The following NTM variants were observed in gnomAD, a reference collection of about 807,000 sequenced individuals.
The protein encoded by NTM is IgLON family member 2.
Under a neutral mutation model 42.1 loss-of-function variants are expected in NTM, and 13 were observed. That is an observed-to-expected ratio of 0.31 (90% CI 0.20 to 0.49). NTM has a LOEUF of 0.49. NTM is among the 20% of genes least tolerant of loss of function. The pLI is 0.99. For synonymous variants in NTM, 187 were observed against 179.2 expected (o/e 1.04, Z -0.35); for missense variants, 373 against 452.8 (o/e 0.82, Z 1.60).
intron 2 of NTM, among the ~76,000 whole-genome samples, chr11:132,070,425 C>G (rs1489381447): frequency 7.1e-4 from 95 of 133,502 alleles, no homozygotes; most frequent in African/African-American, 2.7e-3. Context: ...CTGACCGTCA[C>G]AGGTTAGTTA....
chr11:131,652,046 A>C (rs1206210115), intron 1 of NTM, among the ~76,000 whole-genome samples: 1 of 152,100 alleles, frequency 6.6e-6, no homozygotes, highest in Non-Finnish European at 1.5e-5. Flanking sequence ...GAATGCTTAG[A>C]ATACAGACAC....
intron 4 of NTM, among the ~76,000 whole-genome samples, chr11:132,235,993 G>GACACACAC (rs367555812): frequency 4.9e-5 from 5 of 101,268 alleles, no homozygotes; most frequent in Admixed American, 9.8e-5. Context: ...CACACACACA[G>GACACACAC]ACACACACAC....
At chr11:131,915,610 C>G (rs562036516) in intron 2 of NTM, among the ~76,000 whole-genome samples, 2 of 152,058 alleles carry the variant, frequency 1.3e-5, no homozygotes, top group Non-Finnish European at 2.9e-5. Context: ...TGTATTAGTC[C>G]GTTAGGCAGT....
chr11:131,473,775 C>G (rs1268411376), intron 1 of NTM, among the ~76,000 whole-genome samples: 3 of 152,162 alleles, frequency 2.0e-5, no homozygotes, highest in Non-Finnish European at 2.9e-5. Context: ...ATCACATGGA[C>G]AGCTCCAGCC....
chr11:132,208,279 T>C (rs1159415903), intron 3 of NTM, among the ~76,000 whole-genome samples: 1 of 152,232 alleles, frequency 6.6e-6, no homozygotes, highest in East Asian at 1.9e-4. Context: ...AGTTGCCACC[T>C]AGAAAATCAT....
At chr11:131,756,703 A>T (rs2083388847) in intron 1 of NTM, among the ~76,000 whole-genome samples, 1 of 151,990 alleles carries the variant, frequency 6.6e-6, no homozygotes, top group South Asian at 2.1e-4. Flanking sequence ...CACACAAAAA[A>T]TTGCTATAAT....
intron 1 of NTM, among the ~76,000 whole-genome samples, chr11:131,695,034 C>T (rs884180): frequency 6.6e-6 from 1 of 151,966 alleles, no homozygotes; most frequent in Non-Finnish European, 1.5e-5. Flanking sequence ...CTGGGAGGAG[C>T]GCCGCCGCCG....
At chr11:131,894,181 C>T (rs550301639) in intron 1 of NTM, among the ~76,000 whole-genome samples, 17 of 152,254 alleles carry the variant, frequency 1.1e-4, no homozygotes, top group South Asian at 4.1e-4. Flanking sequence ...GGCAATTGTG[C>T]GGCTTCTCTT....
intron 2 of NTM, among the ~76,000 whole-genome samples, chr11:132,116,383 C>A (rs1186698785): frequency 6.6e-6 from 1 of 152,158 alleles, no homozygotes; most frequent in Non-Finnish European, 1.5e-5. Context: ...GTGATACTTT[C>A]TCCTACTCTT....
Position 132,270,232 on chromosome 11 carries a change from A to G in NTM, c.527-37457A>G, listed in dbSNP as rs537311782. 1.1e-4 allele frequency among the ~76,000 whole-genome samples: 17 copies of G among 151,988 alleles called. No homozygotes were observed. The South Asian group carries it at 3.5e-3, about 32-fold the overall frequency. On this transcript the variant is annotated intron_variant, in intron 4 of 8. Transcript: ENST00000683400. ...TAAGAGACCATATATTTTATTTTTT[A>G]TTATTATTTTCTTTTTTGAGACAGA...
chr11:131,673,074 T>G (rs1383379701), intron 1 of NTM, among the ~76,000 whole-genome samples: 5 of 151,876 alleles, frequency 3.3e-5, no homozygotes, highest in Admixed American at 1.3e-4. Flanking sequence ...CCTCGTTCCT[T>G]GTCTATTTTA....
chr11:131,894,167 T>C (rs1400576516), intron 1 of NTM, among the ~76,000 whole-genome samples: 1 of 152,188 alleles, frequency 6.6e-6, no homozygotes, highest in Non-Finnish European at 1.5e-5. Context: ...CTGTGAGCAC[T>C]GGGGGCAATT....
chr11:132,015,654 T>TATTTA (rs1431731386), intron 2 of NTM, among the ~76,000 whole-genome samples: 1 of 151,240 alleles, frequency 6.6e-6, no homozygotes, highest in Non-Finnish European at 1.5e-5. Flanking sequence ...TATTTTATTT[T>TATTTA]ATTTTATTTT....
intron 2 of NTM, among the ~76,000 whole-genome samples, chr11:131,974,659 T>TA (rs1033325604): frequency 3.3e-5 from 5 of 152,312 alleles, no homozygotes; most frequent in African/African-American, 9.6e-5. Context: ...CTGGCATTTA[T>TA]AAAAAACATG....
intron 1 of NTM, among the ~76,000 whole-genome samples, chr11:131,723,666 G>A (rs939777159): frequency 1.3e-5 from 2 of 152,108 alleles, no homozygotes; most frequent in African/African-American, 4.8e-5. Context: ...CATCTCCCAA[G>A]CATCTAAGAA....
intron 4 of NTM, among the ~76,000 whole-genome samples, chr11:132,249,635 G>A (rs924557959): frequency 2.0e-5 from 3 of 152,154 alleles, no homozygotes; most frequent in African/African-American, 7.2e-5. Flanking sequence ...TTAAACACTG[G>A]AAATGATTCT....
chr11:132,096,624 A>G (rs1437088481), intron 2 of NTM, among the ~76,000 whole-genome samples: 3 of 151,980 alleles, frequency 2.0e-5, no homozygotes, highest in Non-Finnish European at 4.4e-5. Context: ...CAGACCCACC[A>G]CTCTGGAGCA....
intron 1 of NTM, among the ~76,000 whole-genome samples, chr11:131,847,361 GAGA>G (rs2045034619): frequency 2.0e-5 from 3 of 151,878 alleles, no homozygotes; most frequent in Admixed American, 6.6e-5. Flanking sequence ...ACCTGTAATT[GAGA>G]AGAAGTAGAA....
intron 1 of NTM, among the ~76,000 whole-genome samples, chr11:131,556,155 C>A (rs73580253): frequency 0.026 from 3,882 of 152,232 alleles, 179 homozygotes; most frequent in African/African-American, 0.086. Flanking sequence ...AAAATGAACA[C>A]AAGTGACAAG....
Sources: gnomAD v4.1 joint callset for allele counts (sites outside exome capture counted in the v4.1 genomes callset) on GRCh38, gnomAD v4.1.1 for gene constraint, MANE v1.5 for transcripts, NCBI Gene and HGNC (gene_info 2026-07-23, HGNC 2026-07-21) for gene names.